RBL2: variants seen among roughly 807,000 people sequenced by gnomAD.
RBL2 encodes the protein retinoblastoma-like protein 2.
A neutral mutation model predicts 126.0 loss-of-function variants in RBL2; 56 were observed. The observed-to-expected ratio is 0.44, with a 90% CI of 0.36 to 0.56. The LOEUF (loss-of-function observed/expected upper bound fraction) is 0.56. Among genes scored for constraint, RBL2 ranks in the 20% least tolerant of loss-of-function variants. The probability of loss-of-function intolerance (pLI) is 0.00; values close to 1 mark genes in which losing one functional copy is unlikely to be tolerated. For synonymous variants in RBL2, 454 were observed against 478.5 expected, an observed-to-expected ratio of 0.95 and a Z score of 0.67; for missense variants, 1,229 against 1,398.2, an observed-to-expected ratio of 0.88 and a Z score of 1.93.
At position 53,434,517 on chromosome 16, in the gene RBL2, CCCTCA is replaced by C; in HGVS notation, c.-31_-27del. 7.2e-7 allele frequency: 1 copy of C among 1,389,288 alleles called. No homozygotes were observed. The highest frequency in any genetic ancestry group is 9.3e-7 in the Non-Finnish European group (1 of 1,077,528). The allele number at this position is 1,389,288 out of a possible 1,614,324, so 86.1% of individuals were successfully genotyped here. ...CCGTTTGAATGGCTGCGGGCCCGGGCCCTCACCTCACCTGAGGTCCGGCCGCCCAG... is the reference window on the plus strand; with the variant it reads ...CCGTTTGAATGGCTGCGGGCCCGGGCCCTCACCTGAGGTCCGGCCGCCCAG... On this transcript the variant is annotated 5_prime_UTR_variant, in exon 1 of 22. It removes the in-frame stop codon of an upstream open reading frame in the 5' UTR. Coordinates refer to ENST00000262133, the MANE Select transcript of RBL2 (RefSeq NM_005611.4).
chr16:53,460,112 A>C (rs569506803), intron 9 of RBL2, among the ~76,000 whole-genome samples: 1 of 152,328 alleles, frequency 6.6e-6, no homozygotes, highest in South Asian at 2.1e-4. Flanking sequence ...AAGGAAGTTC[A>C]CTGCATTTAG....
At position 53,465,516 on chromosome 16, in the gene RBL2, A is replaced by G; in HGVS notation, c.1777A>G (p.Ile593Val). Reference protein sequence around the residue: ...VKHLNQIEEQILDHLAWKPES... With the variant: ...VKHLNQIEEQVLDHLAWKPES... ...ACACCTTAATCAGATTGAAGAACAG[A>G]TCTTAGATCATTTGGCATGGAAACC... Residue 593 changes from isoleucine (I) to valine (V), a missense_variant, in exon 13 of 22, where the codon ATC becomes GTC. Physicochemically the swap from Ile to Val is conservative, Grantham distance 29 (BLOSUM62 3). This residue lies in a region of RBL2 where 1,070 missense variants were observed against 1,274.3 expected (regional missense o/e 0.84). Transcript: ENST00000262133. 1 of 1,607,932 alleles carries G rather than the reference A, an allele frequency of 6.2e-7. No homozygotes were observed. The highest frequency in any genetic ancestry group is 8.5e-7 in the Non-Finnish European group (1 of 1,177,418).
At chr16:53,447,415 G>A (rs1181943573) in intron 4 of RBL2, among the ~76,000 whole-genome samples, 2 of 152,022 alleles carry the variant, frequency 1.3e-5, no homozygotes, top group Non-Finnish European at 2.9e-5. Context: ...TGCTTGTATT[G>A]TGAACTCTAT....
intron 4 of RBL2, among the ~76,000 whole-genome samples, chr16:53,450,283 G>T (rs551048388): frequency 1.8e-4 from 27 of 152,212 alleles, no homozygotes; most frequent in African/African-American, 6.3e-4. Flanking sequence ...TGTATACGCT[G>T]AGGTAAGTGG....
chr16:53,482,454 G>A (rs1960990499), intron 21 of RBL2, among the ~76,000 whole-genome samples: 1 of 152,208 alleles, frequency 6.6e-6, no homozygotes, highest in Admixed American at 6.5e-5. Context: ...CGGGCATCAT[G>A]CTATGTTAGC....
At chr16:53,446,288 C>T (rs1450951090) in intron 3 of RBL2, among the ~76,000 whole-genome samples, 1 of 151,914 alleles carries the variant, frequency 6.6e-6, no homozygotes, top group Non-Finnish European at 1.5e-5. Flanking sequence ...GTATTGTACC[C>T]AAGTAGAGTA....
At chr16:53,445,635 T>G (rs1310219864) in intron 3 of RBL2, 1 of 152,216 alleles carries the variant, frequency 6.6e-6, no homozygotes, top group African/African-American at 2.4e-5. Flanking sequence ...CCCATGTGCT[T>G]TACTGTGACT....
intron 5 of RBL2, 69 bp from the exon 6 acceptor site, chr16:53,453,383 C>T (rs2058134452): frequency 1.4e-6 from 2 of 1,400,498 alleles, no homozygotes; most frequent in African/African-American, 1.4e-5. Context: ...CTATGTTTTA[C>T]ATTTTAGTTT....
chr16:53,488,547 T>TA (rs761818298), intron 21 of RBL2: 6 of 152,168 alleles, frequency 3.9e-5, no homozygotes, highest in Non-Finnish European at 5.9e-5. Flanking sequence ...AGCTGAAACT[T>TA]ACGGGGAGAA....
rs1199421405 is a variant in RBL2 at position 53,442,858 on chromosome 16, G to A, written c.572G>A (p.Arg191Gln). ...QPRQQRGRKQ[R>Q]RQPCTVSEIF... is the part of the protein sequence containing the mutation. Reference sequence around the variant, plus strand: ...CGTCAGCAGCGAGGAAGGAAACAGCGGTAGGTTTTCTTGTTGGTTCATCAG... The same window carrying A: ...CGTCAGCAGCGAGGAAGGAAACAGCAGTAGGTTTTCTTGTTGGTTCATCAG... The change falls in exon 3 of 22, where the codon CGG (arginine) becomes CAG (glutamine). Residue 191 changes from arginine (R) to glutamine (Q), a missense_variant and splice_region_variant. Around this residue, in one of 2 missense-constraint regions of RBL2, gnomAD observed 1,070 missense variants for 1,274.3 expected, o/e 0.84. Transcript: ENST00000262133. 14 of 1,606,712 alleles carry A rather than the reference G, an allele frequency of 8.7e-6. No homozygotes were observed. Among genetic ancestry groups the A allele is most frequent in the Admixed American group, 1.7e-5 (1 of 59,508 alleles).
chr16:53,454,079 C>T (rs190565823), intron 7 of RBL2: 50 of 409,950 alleles, frequency 1.2e-4, no homozygotes, highest in Admixed American at 6.7e-4. Context: ...AGCAGCTAGA[C>T]AGATAGTTAA....
At chr16:53,480,359 T>C (rs1960892671) in intron 19 of RBL2, 1 of 574,450 alleles carries the variant, frequency 1.7e-6, no homozygotes, top group Admixed American at 3.1e-5. Context: ...TAATGGACAC[T>C]ACTCAGAAAG....
intron 14 of RBL2, among the ~76,000 whole-genome samples, chr16:53,467,462 A>C (rs561264953): frequency 3.9e-5 from 6 of 152,292 alleles, no homozygotes; most frequent in African/African-American, 1.4e-4. Flanking sequence ...ATCTCAGCTC[A>C]CTGCAACCTC....
intron 4 of RBL2, among the ~76,000 whole-genome samples, chr16:53,447,680 T>C (rs948107165): frequency 6.6e-6 from 1 of 152,220 alleles, no homozygotes; most frequent in Non-Finnish European, 1.5e-5. Context: ...AATCTCATTC[T>C]GTCTCCCAGG....
intron 1 of RBL2, among the ~76,000 whole-genome samples, chr16:53,437,465 C>A (rs2057969577): frequency 6.6e-6 from 1 of 152,130 alleles, no homozygotes; most frequent in South Asian, 2.1e-4. Flanking sequence ...AGGACATCTT[C>A]CATCCTTCCT....
intron 3 of RBL2, among the ~76,000 whole-genome samples, chr16:53,446,270 TA>T (rs1440782331): frequency 6.6e-6 from 1 of 152,340 alleles, no homozygotes; most frequent in East Asian, 1.9e-4. Context: ...ACTGGTGAAC[TA>T]AGTACAGTAT....
chr16:53,477,904 C>T (rs1238628835), intron 17 of RBL2, among the ~76,000 whole-genome samples: 1 of 152,032 alleles, frequency 6.6e-6, no homozygotes, highest in East Asian at 1.9e-4. Context: ...TCTTGGCTTT[C>T]TTCATGTGTA....
chr16:53,460,989 G>A (rs180863495), intron 9 of RBL2, among the ~76,000 whole-genome samples: 2 of 152,254 alleles, frequency 1.3e-5, no homozygotes, highest in East Asian at 1.9e-4. Flanking sequence ...AGAATGCCAG[G>A]AACAGTTTAT....
At chr16:53,481,904 G>T in intron 21 of RBL2, 69 bp downstream of exon 21, 2 of 1,503,594 alleles carry the variant, frequency 1.3e-6, no homozygotes, top group African/African-American at 1.4e-5. Flanking sequence ...CAGGGTTTGT[G>T]CTAAGCTTAG....
Sources: gnomAD v4.1 joint callset for allele counts (sites outside exome capture counted in the v4.1 genomes callset) on GRCh38, gnomAD v4.1.1 for gene constraint, gnomAD v4.1.1 regional missense constraint, MANE v1.5 for transcripts, NCBI Gene and HGNC (gene_info 2026-07-23, HGNC 2026-07-21) for gene names.